GRAMD4: variants seen among roughly 807,000 people sequenced by gnomAD.
GRAMD4 encodes GRAM domain containing 4, also known as GRAM domain-containing protein 4.
A neutral mutation model predicts 83.9 loss-of-function variants in GRAMD4; 25 were observed. That is an observed-to-expected ratio of 0.30 (90% CI 0.22 to 0.42). The LOEUF is 0.42. Ranked by LOEUF, GRAMD4 falls within the 10% of genes least tolerant of loss-of-function variation. The probability of loss-of-function intolerance (pLI) is 1.00; values close to 1 mark genes in which losing one functional copy is unlikely to be tolerated. For missense variants in GRAMD4, 593 were observed against 788.7 expected (o/e 0.75, Z 2.97); for synonymous variants, 336 against 320.9 (o/e 1.05, Z -0.50).
chr22:46,578,122 C>A (rs577726900), intron 1 of GRAMD4, among the ~76,000 whole-genome samples: 11 of 152,200 alleles, frequency 7.2e-5, no homozygotes, highest in Admixed American at 6.5e-5. Flanking sequence ...TATTGTCAAC[C>A]CTGCATCTCC....
intron 1 of GRAMD4, among the ~76,000 whole-genome samples, chr22:46,609,765 C>T (rs1250140268): frequency 6.6e-6 from 1 of 152,220 alleles, no homozygotes. Flanking sequence ...CGGGGAGGGC[C>T]GTGGGGCCCC....
At chr22:46,608,707 A>AAT (rs2081388923) in intron 1 of GRAMD4, among the ~76,000 whole-genome samples, 1 of 151,416 alleles carries the variant, frequency 6.6e-6, no homozygotes, top group Admixed American at 6.6e-5. Context: ...GTAGCTGGCC[A>AAT]ATATATATAT....
chr22:46,664,261 T>C, intron 8 of GRAMD4, 144 bp downstream of exon 8: 1 of 677,318 alleles, frequency 1.5e-6, no homozygotes, highest in Non-Finnish European at 2.7e-6. Flanking sequence ...TTTCTCCTTC[T>C]GTAAAGTGGG....
At chr22:46,623,639 G>A (rs138485) in intron 1 of GRAMD4, among the ~76,000 whole-genome samples, 5,665 of 151,946 alleles carry the variant, frequency 0.037, 260 homozygotes, top group East Asian at 0.11. Flanking sequence ...CTCGTGATCC[G>A]CCCGCCCCGG....
chr22:46,582,978 G>A (rs2081112776), intron 1 of GRAMD4, among the ~76,000 whole-genome samples: 1 of 152,184 alleles, frequency 6.6e-6, no homozygotes, highest in African/African-American at 2.4e-5. Context: ...AGGCTGGAGT[G>A]CAATGGTGCG....
In GRAMD4 at chr22:46,658,035, C is replaced by A. The variant is rs185922843; in HGVS notation, c.284-152C>A. The A allele has an allele frequency of 9.7e-5, 88 of 904,378 alleles. 1 individual carries two copies. In the African/African-American group the frequency reaches 1.2e-3, roughly 12 times the overall value. The allele number at this position is 904,378 out of a possible 1,614,324, so 56.0% of individuals were successfully genotyped here. ...CCAGTTCATGTCCTGCTGTGAGCGC[C>A]CCGCACCCTGGAGGAAGGTCAGGTG... On this transcript the variant is annotated intron_variant, in intron 3 of 18. Transcript: ENST00000406902.
Position 46,664,032 on chromosome 22 carries a change from G to C in GRAMD4, c.632G>C (p.Gly211Ala). Reference protein sequence around the residue: ...LTENMRRLKRGAKPVTNFVKN... With the variant: ...LTENMRRLKRAAKPVTNFVKN... The stretch of plus-strand genomic sequence containing the variant: ...TGGTCTGCTCTGTCCCCAGAGCGCG[G>C]TGCCAAGCCGGTCACTAACTTTGTG... Residue 211 changes from glycine to alanine, a missense_variant, in exon 8 of 19, where the codon GGT becomes GCT. Around this residue, in one of 4 missense-constraint regions of GRAMD4, gnomAD observed 312 missense variants for 350.7 expected, o/e 0.89. Coordinates refer to ENST00000406902, the MANE Select transcript of GRAMD4 (RefSeq NM_015124.5). 6.2e-7 allele frequency: 1 copy of C among 1,613,018 alleles called. No homozygotes were observed. The highest frequency in any genetic ancestry group is 8.5e-7 in the Non-Finnish European group (1 of 1,179,508).
intron 2 of GRAMD4, among the ~76,000 whole-genome samples, chr22:46,632,144 C>A (rs2081783890): frequency 6.6e-6 from 1 of 152,206 alleles, no homozygotes; most frequent in South Asian, 2.1e-4. Context: ...GAACCCAGAC[C>A]TGCTTGGGAG....
intron 3 of GRAMD4, among the ~76,000 whole-genome samples, chr22:46,645,996 G>C (rs1042040681): frequency 1.6e-4 from 25 of 152,182 alleles, no homozygotes; most frequent in African/African-American, 5.5e-4. Context: ...GATTTTGGGG[G>C]AAAGTGCTTC....
intron 13 of GRAMD4, among the ~76,000 whole-genome samples, chr22:46,669,660 CCG>C (rs2082470774): frequency 6.6e-6 from 1 of 151,636 alleles, no homozygotes; most frequent in Non-Finnish European, 1.5e-5. Context: ...ACTGCAACCT[CCG>C]CCTCCCGGGT....
At position 46,676,492 on chromosome 22, in the gene GRAMD4, C is replaced by T. The variant is rs1312813786; in HGVS notation, c.1564-108C>T. On this transcript the variant is annotated intron_variant, in intron 17 of 18. Coordinates refer to ENST00000406902, the MANE Select transcript of GRAMD4 (RefSeq NM_015124.5). ...TTTGGAAGTCCCAGGTGCCCGTGGGCCCTGCTGCCTGTGTGCCCAGTGGAG... is the reference window on the plus strand; with the variant it reads ...TTTGGAAGTCCCAGGTGCCCGTGGGTCCTGCTGCCTGTGTGCCCAGTGGAG... 6.4e-6 allele frequency: 6 copies of T among 936,668 alleles called. No homozygotes were observed. In the South Asian group the frequency reaches 7.3e-5, roughly 11 times the overall value. The allele number at this position is 936,668 out of a possible 1,614,324, so 58.0% of individuals were successfully genotyped here.
At chr22:46,623,821 G>T (rs1161227074) in intron 1 of GRAMD4, among the ~76,000 whole-genome samples, 20 of 142,048 alleles carry the variant, frequency 1.4e-4, no homozygotes, top group African/African-American at 5.2e-4. Flanking sequence ...TTGCTCTGTT[G>T]CCCAGGCTGG....
intron 1 of GRAMD4, among the ~76,000 whole-genome samples, chr22:46,581,966 C>G (rs2081103248): frequency 1.3e-5 from 2 of 152,194 alleles, no homozygotes; most frequent in South Asian, 4.1e-4. Flanking sequence ...ATGGCCGCGT[C>G]TGCACCACCT....
rs371565457 is a variant in GRAMD4, at chr22:46,621,512, G to A, written c.-50+947G>A. ...CCGGGCCCATCCCTGGCGGTGTGTC[G>A]CGGAGGGCACCCCTACCCCGGTGCA... On this transcript the variant is annotated intron_variant, in intron 1 of 18. Transcript: ENST00000406902. This position sits in a 1 kb window ranked among gnomAD's most constrained non-coding sequence, Gnocchi z 5.8. 1.3e-4 allele frequency among the ~76,000 whole-genome samples: 18 copies of A among 135,326 alleles called. No homozygotes were observed. In the South Asian group the frequency reaches 3.5e-3, roughly 26 times the overall value. The allele number at this position is 135,326 out of a possible 152,430, so 88.8% of individuals were successfully genotyped here.
At chr22:46,681,619 G>A (rs2082671691), downstream of GRAMD4, among the ~76,000 whole-genome samples, 1 of 152,242 alleles carries the variant, frequency 6.6e-6, no homozygotes, top group Admixed American at 6.5e-5. Flanking sequence ...GCTTCCAGCA[G>A]AAGCTGGCAC....
In GRAMD4 at chr22:46,679,181, G is replaced by C; in HGVS notation, c.*1930G>C. 1 of 985,526 alleles carries C rather than the reference G, an allele frequency of 1.0e-6. No homozygotes were observed. Among genetic ancestry groups the C allele is most frequent in the Non-Finnish European group, 1.2e-6 (1 of 829,986 alleles). The allele number at this position is 985,526 out of a possible 1,614,324, so 61.0% of individuals were successfully genotyped here. A position where few individuals can be genotyped will look rare whatever the true frequency, so the allele number is the denominator to read the frequency against. Reference sequence around the variant, plus strand: ...CCGGCAGTGCCCAAGGATGGGTCCGGGGCCTCGGGGCCAATGAGCGCCTCT... The same window carrying C: ...CCGGCAGTGCCCAAGGATGGGTCCGCGGCCTCGGGGCCAATGAGCGCCTCT... On this transcript the variant is annotated 3_prime_UTR_variant, in exon 19 of 19. Coordinates refer to ENST00000406902, the MANE Select transcript of GRAMD4 (RefSeq NM_015124.5).
At chr22:46,645,538 G>A (rs983865046) in intron 3 of GRAMD4, among the ~76,000 whole-genome samples, 5 of 152,336 alleles carry the variant, frequency 3.3e-5, no homozygotes, top group African/African-American at 1.2e-4. Context: ...CACCTGTAAA[G>A]CAGCTAAGTG....
chr22:46,652,635 G>A (rs957573184), intron 3 of GRAMD4, among the ~76,000 whole-genome samples: 1 of 152,158 alleles, frequency 6.6e-6, no homozygotes, highest in Non-Finnish European at 1.5e-5. Context: ...GCAGCCCGGC[G>A]TCCTCAGTGT....
chr22:46,583,810 A>G (rs2081120887), intron 1 of GRAMD4, among the ~76,000 whole-genome samples: 1 of 152,158 alleles, frequency 6.6e-6, no homozygotes, highest in South Asian at 2.1e-4. Flanking sequence ...AGGGGTCTTC[A>G]CAGCAGTTCT....
Sources: gnomAD v4.1 joint callset for allele counts (sites outside exome capture counted in the v4.1 genomes callset) on GRCh38, gnomAD v4.1.1 for gene constraint, gnomAD v4.1.1 regional missense constraint, Gnocchi (gnomAD v3.1) non-coding constraint, MANE v1.5 for transcripts, NCBI Gene and HGNC (gene_info 2026-07-23, HGNC 2026-07-21) for gene names.